The following SPOCK1 variants were observed in gnomAD, a reference collection of about 807,000 sequenced individuals.
SPOCK1 encodes the protein SPARC (osteonectin), cwcv and kazal like domains proteoglycan 1, also known as testican-1.
SPOCK1 carries 23 observed loss-of-function variants against 55.3 expected under a neutral mutation model. The observed-to-expected ratio is 0.42, with a 90% CI of 0.30 to 0.59. The LOEUF (loss-of-function observed/expected upper bound fraction) is 0.59. Ranked by LOEUF, SPOCK1 falls within the 20% of genes least tolerant of loss-of-function variation. The pLI is 0.22. For missense variants in SPOCK1, 499 were observed against 552.5 expected (o/e 0.90, Z 0.97); for synonymous variants, 226 against 221.0 (o/e 1.02, Z -0.20).
At chr5:137,136,404 A>G (rs1036215301) in intron 4 of SPOCK1, among the ~76,000 whole-genome samples, 1 of 152,192 alleles carries the variant, frequency 6.6e-6, no homozygotes, top group African/African-American at 2.4e-5. Flanking sequence ...AAAAAAAATT[A>G]TATCTATAAA....
chr5:137,399,378 G>T (rs1283052293), intron 2 of SPOCK1, among the ~76,000 whole-genome samples: 1 of 151,916 alleles, frequency 6.6e-6, no homozygotes, highest in African/African-American at 2.4e-5. Flanking sequence ...TGTTGTTGTT[G>T]TTGTTGTTGT....
At chr5:137,263,515 C>G (rs776032878) in intron 3 of SPOCK1, among the ~76,000 whole-genome samples, 4 of 152,344 alleles carry the variant, frequency 2.6e-5, no homozygotes, top group East Asian at 1.9e-4. Context: ...GAAGGTCCAT[C>G]CGGGGGCCTT....
chr5:137,080,004 A>G (rs1230982655), intron 5 of SPOCK1, among the ~76,000 whole-genome samples: 1 of 152,182 alleles, frequency 6.6e-6, no homozygotes, highest in Non-Finnish European at 1.5e-5. Flanking sequence ...TATTCTTCAT[A>G]ATACAGATAC....
At chr5:137,154,893 C>T (rs1049923192) in intron 3 of SPOCK1, among the ~76,000 whole-genome samples, 7 of 152,140 alleles carry the variant, frequency 4.6e-5, no homozygotes, top group South Asian at 4.2e-4. Flanking sequence ...TAGGAAGGGC[C>T]GAAGGAGAAT....
intron 4 of SPOCK1, among the ~76,000 whole-genome samples, chr5:137,139,703 C>T (rs1754056746): frequency 6.6e-6 from 1 of 152,158 alleles, no homozygotes. Context: ...CAAAGCCCCA[C>T]TGCGACACCT....
chr5:137,242,694 C>T (rs757437571), intron 3 of SPOCK1, among the ~76,000 whole-genome samples: 1 of 152,142 alleles, frequency 6.6e-6, no homozygotes. Flanking sequence ...GCTGTGATTT[C>T]GCCACTGCAT....
chr5:137,130,918 C>G (rs945173609), intron 4 of SPOCK1, among the ~76,000 whole-genome samples: 7 of 152,180 alleles, frequency 4.6e-5, no homozygotes, highest in African/African-American at 1.4e-4. Context: ...TCTCTCCTGG[C>G]CCTCTGCACC....
At chr5:137,147,832 C>A (rs972714511) in intron 3 of SPOCK1, among the ~76,000 whole-genome samples, 3 of 152,066 alleles carry the variant, frequency 2.0e-5, no homozygotes, top group Non-Finnish European at 4.4e-5. Flanking sequence ...CATCATGCAA[C>A]TATTTTACAG....
At chr5:137,177,163 C>A (rs752380323) in intron 3 of SPOCK1, among the ~76,000 whole-genome samples, 1 of 152,164 alleles carries the variant, frequency 6.6e-6, no homozygotes, top group Non-Finnish European at 1.5e-5. Context: ...AGCATCTCCC[C>A]CTCAATAATG....
intron 2 of SPOCK1, among the ~76,000 whole-genome samples, chr5:137,480,638 G>A (rs1334963840): frequency 6.6e-6 from 1 of 152,138 alleles, no homozygotes; most frequent in Non-Finnish European, 1.5e-5. Context: ...GTGACAGGGA[G>A]GAGATTTATT....
chr5:137,421,144 G>T (rs1469447351), intron 2 of SPOCK1, among the ~76,000 whole-genome samples: 1 of 152,194 alleles, frequency 6.6e-6, no homozygotes, highest in South Asian at 2.1e-4. Context: ...TAGTTTGATT[G>T]CACTGTGGTC....
intron 3 of SPOCK1, among the ~76,000 whole-genome samples, chr5:137,232,756 C>G (rs1278495710): frequency 6.6e-6 from 1 of 152,186 alleles, no homozygotes; most frequent in Non-Finnish European, 1.5e-5. Context: ...TTCATTGAAC[C>G]TGTATAGCAA....
At chr5:137,013,917 A>G (rs1192426198) in intron 6 of SPOCK1, among the ~76,000 whole-genome samples, 1 of 152,078 alleles carries the variant, frequency 6.6e-6, no homozygotes, top group Admixed American at 6.6e-5. Flanking sequence ...CAGGTAGTGG[A>G]GACAGTGGGG....
chr5:137,145,853 C>G (rs1754181309), intron 3 of SPOCK1, among the ~76,000 whole-genome samples: 1 of 152,140 alleles, frequency 6.6e-6, no homozygotes, highest in Non-Finnish European at 1.5e-5. Flanking sequence ...AGTTGTCTTT[C>G]CAGGGGTAAG....
chr5:137,042,452 G>T (rs1752017981), intron 6 of SPOCK1, among the ~76,000 whole-genome samples: 1 of 152,170 alleles, frequency 6.6e-6, no homozygotes, highest in Non-Finnish European at 1.5e-5. Context: ...CTTAATGTAT[G>T]CAAATTTTTA....
At chr5:136,983,619 C>CAAAAAAAAAAAAAAAA (rs11364379) in intron 9 of SPOCK1, among the ~76,000 whole-genome samples, 2 of 135,342 alleles carry the variant, frequency 1.5e-5, no homozygotes, top group Non-Finnish European at 1.6e-5. Context: ...CTCCTTGGAC[C>CAAAAAAAAAAAAAAAA]AAAAAAAAAA....
intron 3 of SPOCK1, among the ~76,000 whole-genome samples, chr5:137,251,798 A>G (rs1381536631): frequency 6.6e-6 from 1 of 152,250 alleles, no homozygotes; most frequent in East Asian, 1.9e-4. Flanking sequence ...TACCCCTCTC[A>G]GCCCATTCCT....
chr5:137,428,157 C>A (rs1361954580), intron 2 of SPOCK1, among the ~76,000 whole-genome samples: 2 of 152,100 alleles, frequency 1.3e-5, no homozygotes, highest in East Asian at 1.9e-4. Context: ...CTCTTTGTAA[C>A]CTGGCTGGAC....
chr5:137,161,560 A>T (rs911280361), intron 3 of SPOCK1, among the ~76,000 whole-genome samples: 1 of 152,084 alleles, frequency 6.6e-6, no homozygotes, highest in Non-Finnish European at 1.5e-5. Context: ...ATTTTGTGTC[A>T]TGCTTCCCCT....
Sources: allele counts gnomAD v4.1 joint callset (sites outside exome capture counted in the v4.1 genomes callset), GRCh38; gene constraint gnomAD v4.1.1; transcripts MANE v1.5; gene names NCBI Gene and HGNC (gene_info 2026-07-23, HGNC 2026-07-21).